PXDN: variants seen among roughly 807,000 people sequenced by gnomAD.
The protein encoded by PXDN is peroxidasin.
PXDN carries 77 observed loss-of-function variants against 140.3 expected under a neutral mutation model. The ratio of observed to expected loss-of-function variants is 0.55; its 90% confidence interval spans 0.46 to 0.66. PXDN has a LOEUF of 0.66. Among genes scored for constraint, PXDN ranks in the 30% least tolerant of loss-of-function variants. The pLI is 0.00. For synonymous variants in PXDN, 911 were observed against 857.4 expected (o/e 1.06, Z -1.09); for missense variants, 1,838 against 2,039.5 (o/e 0.90, Z 1.90).
At chr2:1,706,880 C>T (rs1173053712) in intron 1 of PXDN, among the ~76,000 whole-genome samples, 2 of 147,206 alleles carry the variant, frequency 1.4e-5, no homozygotes, top group South Asian at 2.3e-4. Flanking sequence ...GCATCACCTG[C>T]CCCACTAATA....
chr2:1,648,674 G>T lies in PXDN; in HGVS notation c.3106C>A (p.Pro1036Thr). Residue 1036 changes from proline (P) to threonine (T), a missense_variant, in exon 17 of 23, where the codon CCG (proline) becomes ACG (threonine). Coordinates refer to ENST00000252804, the MANE Select transcript of PXDN (RefSeq NM_012293.3). This position sits in a 1 kb window ranked among gnomAD's most constrained non-coding sequence, Gnocchi z 8.9. ...ATGCCCACCTCCCCCAGGATCTTCG[G>T]GAGCCAGTGCTGGTAGGTGATGTGC... ...IQHITYQHWLPKILGEVGMRT... is the reference protein window; with the variant it reads ...IQHITYQHWLTKILGEVGMRT... 6.2e-7 allele frequency: 1 copy of T among 1,608,738 alleles called. No homozygotes were observed. Among genetic ancestry groups the T allele is most frequent in the Non-Finnish European group, 8.5e-7 (1 of 1,177,976 alleles).
At chr2:1,731,799 AC>A (rs1685320091) in intron 1 of PXDN, among the ~76,000 whole-genome samples, 1 of 152,128 alleles carries the variant, frequency 6.6e-6, no homozygotes, top group Non-Finnish European at 1.5e-5. Context: ...TGGGGCAGGA[AC>A]TCACACTGTT....
chr2:1,728,474 C>T (rs1029681461), intron 1 of PXDN, among the ~76,000 whole-genome samples: 3 of 152,220 alleles, frequency 2.0e-5, no homozygotes, highest in South Asian at 4.1e-4. Flanking sequence ...CCATTATCTG[C>T]GGACAGGCGC....
chr2:1,656,902 C>A (rs1259565024), intron 14 of PXDN, among the ~76,000 whole-genome samples: 2 of 151,144 alleles, frequency 1.3e-5, no homozygotes, highest in Non-Finnish European at 3.0e-5. Flanking sequence ...GGACCTACCC[C>A]CTCCTGACTG....
Position 1,649,320 on chromosome 2 carries a change from C to A in PXDN, c.2460G>T (p.Gln820His). ...GGTCGTGGTCCAGGAACTGGCCCCA[C>A]TGCATCAGCATGTGGGTGAACTGCT... ...PDEQFTHMLMQWGQFLDHDLD... is the reference protein window; with the variant it reads ...PDEQFTHMLMHWGQFLDHDLD... The change falls in exon 17 of 23, where the codon CAG becomes CAT. Residue 820 changes from glutamine to histidine, a missense_variant. Gln to His is a conservative substitution (Grantham distance 24). This residue lies in a region of PXDN where 12 missense variants were observed against 34.2 expected (regional missense o/e 0.35). Transcript: ENST00000252804. The surrounding 1 kb of genome is among the most constrained non-coding windows in gnomAD (Gnocchi z 7.1). The A allele has an allele frequency of 6.2e-7, 1 of 1,613,808 alleles. No individual in the cohort carries two copies. Among genetic ancestry groups the A allele is most frequent in the Non-Finnish European group, 8.5e-7 (1 of 1,179,876 alleles).
intron 1 of PXDN, among the ~76,000 whole-genome samples, chr2:1,715,285 G>A (rs1473507741): frequency 1.3e-5 from 2 of 152,096 alleles, no homozygotes; most frequent in Non-Finnish European, 2.9e-5. Context: ...AAAGAACCAG[G>A]CACGTGAAAC....
At chr2:1,718,610 C>G (rs751428615) in intron 1 of PXDN, among the ~76,000 whole-genome samples, 48 of 152,258 alleles carry the variant, frequency 3.2e-4, no homozygotes, top group Non-Finnish European at 5.9e-4. Context: ...CCCTAACCTA[C>G]TCTTTTAACC....
chr2:1,663,839 C>CCAGGTGGAG (rs1683367692), intron 11 of PXDN, 76 bp from the exon 12 acceptor site: 1 of 1,548,332 alleles, frequency 6.5e-7, no homozygotes, highest in African/African-American at 1.4e-5. Context: ...ACAGCATGAC[C>CCAGGTGGAG]ACAGAAGCTT....
intron 1 of PXDN, among the ~76,000 whole-genome samples, chr2:1,737,026 G>A (rs1685437113): frequency 6.6e-6 from 1 of 152,176 alleles, no homozygotes; most frequent in South Asian, 2.1e-4. Context: ...GAGTGTGTGG[G>A]GCTGACCGCA....
chr2:1,690,698 C>A (rs1190218506), intron 3 of PXDN, among the ~76,000 whole-genome samples: 3 of 148,676 alleles, frequency 2.0e-5, no homozygotes, highest in African/African-American at 7.4e-5. Context: ...AAAAGGCCTG[C>A]CTCTCATTTT....
chr2:1,720,923 G>T (rs532171294), intron 1 of PXDN, among the ~76,000 whole-genome samples: 1 of 152,118 alleles, frequency 6.6e-6, no homozygotes, highest in Admixed American at 6.5e-5. Context: ...CTACAGCCCC[G>T]GGGAAGCATG....
chr2:1,706,015 T>G (rs1381008084), intron 1 of PXDN, among the ~76,000 whole-genome samples: 5 of 150,422 alleles, frequency 3.3e-5, no homozygotes, highest in African/African-American at 9.8e-5. Context: ...TCAAGGCTAC[T>G]GGCTTCTCTG....
chr2:1,718,100 C>T (rs1034994603), intron 1 of PXDN, among the ~76,000 whole-genome samples: 1 of 151,778 alleles, frequency 6.6e-6, no homozygotes, highest in African/African-American at 2.4e-5. Context: ...CCCAAAGCTA[C>T]TCTACTAACC....
chr2:1,744,191 C>T (rs1311545046), intron 1 of PXDN, 65 bp downstream of exon 1: 27 of 1,408,154 alleles, frequency 1.9e-5, no homozygotes, highest in Non-Finnish European at 2.2e-5. Context: ...TCCGATCACC[C>T]CTGCGCTCCC....
At chr2:1,729,176 G>C (rs1685257725) in intron 1 of PXDN, among the ~76,000 whole-genome samples, 1 of 152,320 alleles carries the variant, frequency 6.6e-6, no homozygotes, top group Admixed American at 6.5e-5. Context: ...AGGCACAAAC[G>C]CTAGATGGTT....
chr2:1,672,849 G>A (rs866417212), intron 9 of PXDN, among the ~76,000 whole-genome samples: 31 of 152,334 alleles, frequency 2.0e-4, no homozygotes, highest in African/African-American at 7.5e-4. Flanking sequence ...CATGATTTGT[G>A]GCTGAAGCTA....
rs1327909934 is a variant in PXDN at position 1,648,847 on chromosome 2, G to A, written c.2933C>T (p.Ala978Val). Reference sequence around the variant, plus strand: ...GCTGGTCAGGCCCAGCTGCTCGTTGGCGCGGTGGTCCCCGGCCAGGAAGCA... The same window carrying A: ...GCTGGTCAGGCCCAGCTGCTCGTTGACGCGGTGGTCCCCGGCCAGGAAGCA... ...IPCFLAGDHRANEQLGLTSMH... is the reference protein window; with the variant it reads ...IPCFLAGDHRVNEQLGLTSMH... Residue 978 changes from alanine to valine, a missense_variant, in exon 17 of 23, where the codon GCC becomes GTC. Coordinates refer to ENST00000252804, the MANE Select transcript of PXDN (RefSeq NM_012293.3). This position sits in a 1 kb window ranked among gnomAD's most constrained non-coding sequence, Gnocchi z 8.9. The A allele has an allele frequency of 6.2e-6, 10 of 1,601,098 alleles. No individual in the cohort carries two copies. The highest frequency in any genetic ancestry group is 8.5e-6 in the Non-Finnish European group (10 of 1,176,672).
chr2:1,674,957 T>A (rs1384505483), intron 8 of PXDN, among the ~76,000 whole-genome samples: 4 of 152,164 alleles, frequency 2.6e-5, no homozygotes, highest in South Asian at 2.1e-4. Flanking sequence ...CACTTCCCCA[T>A]GACCGCCCTC....
At position 1,744,288 on chromosome 2, in the gene PXDN, G is replaced by A. The variant is rs1273735526; in HGVS notation, c.168C>T (p.Ala56=). 2 of 1,520,518 alleles carry A rather than the reference G, an allele frequency of 1.3e-6. No homozygotes were observed. Among genetic ancestry groups the A allele is most frequent in the East Asian group, 2.5e-5 (1 of 39,324 alleles). 94.2% of individuals were successfully genotyped at this position (1,520,518 alleles called of 1,614,324 possible). Residue 56 remains alanine, a synonymous_variant, in exon 1 of 23, where the codon GCC becomes GCT. Transcript: ENST00000252804. ...AGGTCTGCGGCGCCACGGCGGGCAC[G>A]GCCTCCAGCAGCAGATGCATGCAGC... ...TVRCMHLLLE[A]VPAVAPQTSI...
Sources: allele counts gnomAD v4.1 joint callset (sites outside exome capture counted in the v4.1 genomes callset), GRCh38; gene constraint gnomAD v4.1.1; regional missense constraint gnomAD v4.1.1; non-coding constraint Gnocchi (gnomAD v3.1); transcripts MANE v1.5; gene names NCBI Gene and HGNC (gene_info 2026-07-23, HGNC 2026-07-21).